Variants in ANKS1B observed in about 807,000 individuals in gnomAD.
ANKS1B encodes ankyrin repeat and sterile alpha motif domain containing 1B.
A neutral mutation model predicts 148.3 loss-of-function variants in ANKS1B; 36 were observed. The observed-to-expected ratio is 0.24, with a 90% CI of 0.19 to 0.32. The LOEUF (loss-of-function observed/expected upper bound fraction) is 0.32. Among genes scored for constraint, ANKS1B ranks in the 10% least tolerant of loss-of-function variants. ANKS1B has a pLI of 1.00. For missense variants in ANKS1B, 1,157 were observed against 1,542.6 expected (o/e 0.75, Z 4.19); for synonymous variants, 542 against 560.8 (o/e 0.97, Z 0.47).
At position 99,789,313 on chromosome 12, in the gene ANKS1B, A is replaced by G. The variant is rs548595047; in HGVS notation, c.670-7216T>C. Among the ~76,000 whole-genome samples, 4 of 152,290 alleles carry G rather than the reference A, an allele frequency of 2.6e-5. No individual in the cohort carries two copies. The East Asian group carries it at 7.7e-4, about 29-fold the overall frequency. On this transcript the variant is annotated intron_variant, in intron 4 of 26. Coordinates refer to ENST00000683438, the MANE Select transcript of ANKS1B (RefSeq NM_001352186.2). The stretch of plus-strand genomic sequence containing the variant: ...ACAGTGTTAGTGGGTTTGGGGCCCA[A>G]GTCCCTTCAAATGCCTGGAAAGTCT...
chr12:98,766,782 C>T (rs1417009407), intron 25 of ANKS1B, among the ~76,000 whole-genome samples: 1 of 152,014 alleles, frequency 6.6e-6, no homozygotes, highest in African/African-American at 2.4e-5. Context: ...GAAGTAATCT[C>T]GGCATTTAAA....
intron 16 of ANKS1B, among the ~76,000 whole-genome samples, chr12:99,056,559 AG>A (rs750219250): frequency 9.2e-5 from 14 of 152,156 alleles, no homozygotes; most frequent in Non-Finnish European, 2.1e-4. Flanking sequence ...TTTGTATAAA[AG>A]CCTGTAGTGG....
intron 16 of ANKS1B, among the ~76,000 whole-genome samples, chr12:99,054,184 T>C (rs1227961185): frequency 6.6e-6 from 1 of 152,226 alleles, no homozygotes; most frequent in Admixed American, 6.5e-5. Flanking sequence ...GTATATCTAA[T>C]ACTTCAGTTT....
At chr12:99,052,988 A>G (rs1426034338) in intron 17 of ANKS1B, among the ~76,000 whole-genome samples, 169 bp downstream of exon 17, 1 of 152,118 alleles carries the variant, frequency 6.6e-6, no homozygotes, top group East Asian at 1.9e-4. Context: ...GTTCCCCCAC[A>G]TTTAAACTTC....
intron 17 of ANKS1B, among the ~76,000 whole-genome samples, chr12:99,036,097 G>T (rs2153475489): frequency 6.6e-6 from 1 of 152,262 alleles, no homozygotes; most frequent in Admixed American, 6.5e-5. Flanking sequence ...GATTTTGATA[G>T]TTTCTCTGTG....
intron 3 of ANKS1B, among the ~76,000 whole-genome samples, chr12:99,809,326 G>A (rs1010742277): frequency 4.0e-5 from 6 of 151,034 alleles, no homozygotes; most frequent in African/African-American, 1.5e-4. Flanking sequence ...GAATGGCAAA[G>A]GCAATGTGTT....
chr12:99,519,131 T>G (rs1360842959), intron 9 of ANKS1B, among the ~76,000 whole-genome samples: 1 of 152,144 alleles, frequency 6.6e-6, no homozygotes, highest in African/African-American at 2.4e-5. Flanking sequence ...ATTTGTTTTG[T>G]GAGCTAACAT....
At chr12:99,294,755 G>A (rs1314867596) in intron 12 of ANKS1B, among the ~76,000 whole-genome samples, 2 of 152,012 alleles carry the variant, frequency 1.3e-5, no homozygotes, top group African/African-American at 2.4e-5. Context: ...CCAGGTTCAA[G>A]CAATTCTCCT....
At chr12:99,314,500 C>A (rs1377618006) in intron 12 of ANKS1B, among the ~76,000 whole-genome samples, 2 of 152,154 alleles carry the variant, frequency 1.3e-5, no homozygotes, top group Non-Finnish European at 2.9e-5. Flanking sequence ...AGTCATCATG[C>A]TACCTGACTT....
intron 8 of ANKS1B, among the ~76,000 whole-genome samples, chr12:99,705,344 C>T (rs1275442334): frequency 6.6e-6 from 1 of 152,006 alleles, no homozygotes; most frequent in Non-Finnish European, 1.5e-5. Context: ...TGTTGACATT[C>T]CTGTGTGCCC....
intron 12 of ANKS1B, among the ~76,000 whole-genome samples, chr12:99,262,865 ATG>A (rs145896454): frequency 1.3e-5 from 2 of 151,168 alleles, no homozygotes; most frequent in Admixed American, 6.6e-5. Context: ...GACTAGGGGA[ATG>A]TGTGTGTGTG....
intron 1 of ANKS1B, among the ~76,000 whole-genome samples, chr12:99,964,606 T>C (rs571032030): frequency 3.9e-5 from 6 of 152,170 alleles, no homozygotes; most frequent in East Asian, 1.9e-4. Flanking sequence ...ATGAGAGGGT[T>C]AGAACCCACA....
intron 17 of ANKS1B, among the ~76,000 whole-genome samples, chr12:98,976,844 C>G (rs1294003518): frequency 1.3e-5 from 2 of 152,176 alleles, no homozygotes; most frequent in Non-Finnish European, 2.9e-5. Context: ...AACAGTTGCT[C>G]ATTTGTAGTT....
At chr12:99,648,056 C>A in intron 9 of ANKS1B, 1 of 1,400,760 alleles carries the variant, frequency 7.1e-7, no homozygotes, top group Non-Finnish European at 9.6e-7. Flanking sequence ...AAAAGAAAGC[C>A]TGCAGAACAC....
At chr12:99,188,599 GGTAAA>G (rs2080209614) in intron 14 of ANKS1B, among the ~76,000 whole-genome samples, 1 of 152,014 alleles carries the variant, frequency 6.6e-6, no homozygotes. Flanking sequence ...ATGACTACTG[GGTAAA>G]TAATGAAATG....
intron 25 of ANKS1B, among the ~76,000 whole-genome samples, chr12:98,752,979 G>C (rs915994539): frequency 6.6e-6 from 1 of 151,926 alleles, no homozygotes; most frequent in Non-Finnish European, 1.5e-5. Flanking sequence ...GCTCACAGTC[G>C]CAGCAGTGAG....
intron 17 of ANKS1B, among the ~76,000 whole-genome samples, chr12:98,871,977 G>A (rs1219566750): frequency 6.6e-6 from 1 of 152,150 alleles, no homozygotes; most frequent in African/African-American, 2.4e-5. Context: ...GAGCTACACA[G>A]GAAATCTAGG....
intron 10 of ANKS1B, among the ~76,000 whole-genome samples, chr12:99,451,081 A>G (rs369163975): frequency 3.2e-4 from 49 of 152,334 alleles, no homozygotes; most frequent in Admixed American, 1.8e-3. Flanking sequence ...TATTGCTGAT[A>G]AAAAGGAAAT....
chr12:98,807,045 G>C (rs1006371879), intron 20 of ANKS1B, among the ~76,000 whole-genome samples: 2 of 152,132 alleles, frequency 1.3e-5, no homozygotes, highest in African/African-American at 4.8e-5. Context: ...TCAACCAAGT[G>C]TCTCAACCTC....
Sources: gnomAD v4.1 joint callset for allele counts (sites outside exome capture counted in the v4.1 genomes callset) on GRCh38, gnomAD v4.1.1 for gene constraint, MANE v1.5 for transcripts, NCBI Gene and HGNC (gene_info 2026-07-23, HGNC 2026-07-21) for gene names.